ANK3: variants seen among roughly 807,000 people sequenced by gnomAD.
ANK3 encodes ankyrin 3, also known as ankyrin-3.
Under a neutral mutation model 370.9 loss-of-function variants are expected in ANK3, and 57 were observed. That is an observed-to-expected ratio of 0.15 (90% CI 0.12 to 0.19). The LOEUF (loss-of-function observed/expected upper bound fraction) is 0.19, where lower values mean the gene tolerates loss of function less well. Among genes scored for constraint, ANK3 ranks in the 10% least tolerant of loss-of-function variants. The pLI is 1.00. For synonymous variants in ANK3, 1,929 were observed against 1,946.3 expected, an observed-to-expected ratio of 0.99 and a Z score of 0.23; for missense variants, 4,439 against 5,302.1, an observed-to-expected ratio of 0.84 and a Z score of 5.06.
intron 2 of ANK3, among the ~76,000 whole-genome samples, chr10:60,514,048 A>G (rs770098929): frequency 6.6e-6 from 1 of 152,032 alleles, no homozygotes; most frequent in Non-Finnish European, 1.5e-5. Context: ...ATAATTATCT[A>G]CTTCCTCTCA....
intron 2 of ANK3, among the ~76,000 whole-genome samples, chr10:60,438,977 CAA>C (rs1301492332): frequency 6.6e-6 from 1 of 152,212 alleles, no homozygotes; most frequent in African/African-American, 2.4e-5. Flanking sequence ...CATTCCCTTT[CAA>C]AGTCTCATGG....
At chr10:60,324,292 G>A (rs1432939263) in intron 1 of ANK3, among the ~76,000 whole-genome samples, 1 of 152,218 alleles carries the variant, frequency 6.6e-6, no homozygotes, top group African/African-American at 2.4e-5. Context: ...AGGTGAATAT[G>A]TGTGGCAGCA....
In ANK3 at chr10:60,075,116, T is replaced by C. The variant is rs745924003; in HGVS notation, c.5765A>G (p.Asp1922Gly). The C allele has an allele frequency of 6.2e-7, 1 of 1,614,130 alleles. No individual in the cohort carries two copies. The highest frequency in any genetic ancestry group is 1.1e-5 in the South Asian group (1 of 91,090). The change falls in exon 37 of 44, where the codon GAT (aspartate) becomes GGT (glycine). Residue 1922 changes from aspartate (D) to glycine (G), a missense_variant. By Grantham distance (94) the Asp-to-Gly change is moderately conservative. This residue lies in a region of ANK3 where 679 missense variants were observed against 791.0 expected (regional missense o/e 0.86). Transcript: ENST00000280772. ...LMRMTAILQT[D>G]VPEEKPFQPE... Reference sequence around the variant, plus strand: ...TTGGAATGGCTTCTCCTCAGGCACATCTGTCTGTAGTATTGCGGTCATCCG... The same window carrying C: ...TTGGAATGGCTTCTCCTCAGGCACACCTGTCTGTAGTATTGCGGTCATCCG...
chr10:60,636,628 A>G (rs1327847833), intron 1 of ANK3, among the ~76,000 whole-genome samples: 1 of 152,206 alleles, frequency 6.6e-6, no homozygotes, highest in Non-Finnish European at 1.5e-5. Flanking sequence ...CTCAAGAAAG[A>G]CTGCTTCAGG....
At chr10:60,468,187 T>C (rs1212548682) in intron 2 of ANK3, among the ~76,000 whole-genome samples, 4 of 152,060 alleles carry the variant, frequency 2.6e-5, no homozygotes, top group African/African-American at 9.7e-5. Context: ...TTTCTCCATA[T>C]TGGTCAGGCT....
chr10:60,143,918 T>C lies in ANK3; in HGVS notation c.2615-4831A>G, dbSNP rs78382328. ...GTTATAAAGAAGCTCAAGGTAGCCATATGGAGAGGCTGCTTAGAACCAGGG... is the reference window on the plus strand; with the variant it reads ...GTTATAAAGAAGCTCAAGGTAGCCACATGGAGAGGCTGCTTAGAACCAGGG... On this transcript the variant is annotated intron_variant, in intron 23 of 43. Coordinates refer to ENST00000280772, the MANE Select transcript of ANK3 (RefSeq NM_020987.5). Among the ~76,000 whole-genome samples, 23 of 152,200 alleles carry C rather than the reference T, an allele frequency of 1.5e-4. No homozygotes were observed. The East Asian group carries it at 4.4e-3, about 29-fold the overall frequency.
intron 2 of ANK3, among the ~76,000 whole-genome samples, chr10:60,564,084 G>A (rs2133253909): frequency 6.6e-6 from 1 of 152,200 alleles, no homozygotes; most frequent in East Asian, 1.9e-4. Flanking sequence ...AAGTACTGGA[G>A]GAGTCAAAAT....
chr10:60,246,665 C>T lies in ANK3; in HGVS notation c.799-11879G>A, dbSNP rs146658511. The stretch of plus-strand genomic sequence containing the variant: ...TCTGAGTGTTGGGATCTGTTCTAAA[C>T]TCAAGAGCCTTATTTTCTTTTAAGG... On this transcript the variant is annotated intron_variant, in intron 7 of 43. Coordinates refer to ENST00000280772, the MANE Select transcript of ANK3 (RefSeq NM_020987.5). Among the ~76,000 whole-genome samples the T allele has an allele frequency of 8.1e-4, 124 of 152,304 alleles. 1 individual carries two copies. Among genetic ancestry groups the T allele is most frequent in the African/African-American group, 2.9e-3 (122 of 41,566 alleles).
At chr10:60,714,615 G>C (rs1589066865) in intron 1 of ANK3, among the ~76,000 whole-genome samples, 2 of 152,096 alleles carry the variant, frequency 1.3e-5, no homozygotes, top group South Asian at 4.1e-4. Flanking sequence ...ACATCAAAAG[G>C]CTAAAGAAGA....
chr10:60,331,641 G>A (rs2051348667), intron 1 of ANK3, among the ~76,000 whole-genome samples: 2 of 150,998 alleles, frequency 1.3e-5, no homozygotes, highest in African/African-American at 4.9e-5. Context: ...GCTTGCTTGA[G>A]GCCTAGAATC....
chr10:60,207,323 A>G (rs572324636), intron 10 of ANK3, among the ~76,000 whole-genome samples: 70 of 152,294 alleles, frequency 4.6e-4, no homozygotes, highest in African/African-American at 1.6e-3. Context: ...GGTCAATTGG[A>G]TGATGACAAC....
In ANK3 at chr10:60,616,768, C is replaced by A. The variant is rs114471503; in HGVS notation, c.58-1544G>T. Among the ~76,000 whole-genome samples the A allele has an allele frequency of 4.3e-3, 658 of 152,174 alleles. 7 individuals are homozygous for A. The highest frequency in any genetic ancestry group is 0.015 in the African/African-American group (636 of 41,522). On this transcript the variant is annotated intron_variant, in intron 1 of 43. Coordinates refer to the ANK3 transcript ENST00000373827. ...ATGGCACTTGCGTATCATGTGCCCACCAAAAGGTCAAAATCTATAGATTGC... is the reference window on the plus strand; with the variant it reads ...ATGGCACTTGCGTATCATGTGCCCAACAAAAGGTCAAAATCTATAGATTGC...
chr10:60,394,571 C>G (rs1342207240), upstream of ANK3, among the ~76,000 whole-genome samples: 1 of 152,138 alleles, frequency 6.6e-6, no homozygotes. Flanking sequence ...CAGACAGGAA[C>G]AGGCACATGA....
At chr10:60,331,998 T>C (rs2051459197) in intron 1 of ANK3, among the ~76,000 whole-genome samples, 1 of 152,138 alleles carries the variant, frequency 6.6e-6, no homozygotes, top group Middle Eastern at 3.4e-3. Context: ...AGTCTCTGAG[T>C]AATTCATTTG....
intron 2 of ANK3, among the ~76,000 whole-genome samples, chr10:60,497,826 A>G (rs1417611608): frequency 1.3e-5 from 2 of 152,166 alleles, no homozygotes; most frequent in Admixed American, 6.5e-5. Flanking sequence ...AGAGATATAG[A>G]TGCACCATAC....
At chr10:60,111,333 T>C (rs2092693413) in intron 26 of ANK3, among the ~76,000 whole-genome samples, 1 of 152,216 alleles carries the variant, frequency 6.6e-6, no homozygotes, top group South Asian at 2.1e-4. Context: ...AGCAACCATT[T>C]ATTGTTCTGA....
chr10:60,159,324 A>T (rs2132274168), intron 23 of ANK3, among the ~76,000 whole-genome samples: 1 of 151,008 alleles, frequency 6.6e-6, no homozygotes. Flanking sequence ...AAAAAGAGAC[A>T]AAGAAGGTCA....
intron 1 of ANK3, among the ~76,000 whole-genome samples, chr10:60,384,947 C>G (rs1163597500): frequency 6.6e-6 from 1 of 152,156 alleles, no homozygotes; most frequent in African/African-American, 2.4e-5. Flanking sequence ...ATAGTCTCCA[C>G]CTTGGTTCAC....
intron 42 of ANK3, among the ~76,000 whole-genome samples, chr10:60,051,928 C>T (rs2078124935): frequency 6.6e-6 from 1 of 152,036 alleles, no homozygotes; most frequent in South Asian, 2.1e-4. Context: ...CTATATTCAT[C>T]TACCATGAAG....
Sources: gnomAD v4.1 joint callset for allele counts (sites outside exome capture counted in the v4.1 genomes callset) on GRCh38, gnomAD v4.1.1 for gene constraint, gnomAD v4.1.1 regional missense constraint, MANE v1.5 for transcripts, NCBI Gene and HGNC (gene_info 2026-07-23, HGNC 2026-07-21) for gene names.